The following GALNTL6 variants were observed in gnomAD, a reference collection of about 807,000 sequenced individuals.
GALNTL6 encodes polypeptide N-acetylgalactosaminyltransferase like 6, also known as polypeptide N-acetylgalactosaminyltransferase-like 6.
GALNTL6 carries 46 observed loss-of-function variants against 73.7 expected under a neutral mutation model. The observed-to-expected ratio is 0.62, with a 90% CI of 0.49 to 0.80. The LOEUF (loss-of-function observed/expected upper bound fraction) is 0.80. Among genes scored for constraint, GALNTL6 ranks in the 30% least tolerant of loss-of-function variants. The pLI is 0.00. For synonymous variants in GALNTL6, 259 were observed against 263.7 expected (o/e 0.98, Z 0.17); for missense variants, 604 against 755.0 (o/e 0.80, Z 2.34).
chr4:172,760,499 C>A (rs903778493), intron 5 of GALNTL6, among the ~76,000 whole-genome samples: 93 of 152,212 alleles, frequency 6.1e-4, no homozygotes, highest in Non-Finnish European at 3.2e-4. Context: ...TCCCACCTTA[C>A]CCTGAGATGC....
chr4:172,416,035 G>A (rs1730817415), intron 5 of GALNTL6, among the ~76,000 whole-genome samples: 1 of 152,100 alleles, frequency 6.6e-6, no homozygotes, highest in Admixed American at 6.6e-5. Flanking sequence ...GACAATATGA[G>A]GGGTGGTCTC....
At chr4:172,896,942 T>C (rs1482490964) in intron 8 of GALNTL6, among the ~76,000 whole-genome samples, 1 of 151,768 alleles carries the variant, frequency 6.6e-6, no homozygotes, top group Non-Finnish European at 1.5e-5. Flanking sequence ...GGCCCACCTC[T>C]CCCAGCAGGT....
chr4:172,242,129 T>C (rs1472415405), intron 3 of GALNTL6, among the ~76,000 whole-genome samples: 1 of 152,188 alleles, frequency 6.6e-6, no homozygotes, highest in African/African-American at 2.4e-5. Context: ...ATTTCTGAAA[T>C]AAAAGTAAAC....
chr4:171,983,501 T>C (rs1305760969), intron 2 of GALNTL6, among the ~76,000 whole-genome samples: 1 of 150,692 alleles, frequency 6.6e-6, no homozygotes, highest in Non-Finnish European at 1.5e-5. Flanking sequence ...TATTTATTTA[T>C]TTATTTGAGA....
At chr4:172,211,014 C>G (rs1736305806) in intron 2 of GALNTL6, among the ~76,000 whole-genome samples, 1 of 152,170 alleles carries the variant, frequency 6.6e-6, no homozygotes, top group African/African-American at 2.4e-5. Context: ...TTTGAAAGCT[C>G]TTTCAGTTGG....
intron 2 of GALNTL6, among the ~76,000 whole-genome samples, chr4:171,946,100 G>A (rs1202938141): frequency 6.6e-6 from 1 of 152,138 alleles, no homozygotes; most frequent in Non-Finnish European, 1.5e-5. Flanking sequence ...GAATTAGCAA[G>A]CTGGGTATTG....
intron 2 of GALNTL6, among the ~76,000 whole-genome samples, chr4:171,990,351 T>G (rs1740299043): frequency 6.6e-6 from 1 of 152,154 alleles, no homozygotes; most frequent in Non-Finnish European, 1.5e-5. Context: ...CATTTTACAG[T>G]TGAAGAAATT....
intron 5 of GALNTL6, among the ~76,000 whole-genome samples, chr4:172,772,254 A>G (rs7661180): frequency 0.48 from 72,564 of 151,626 alleles, 18,139 homozygotes; most frequent in African/African-American, 0.63. Context: ...AAACCATATC[A>G]CCATTTATGC....
intron 5 of GALNTL6, among the ~76,000 whole-genome samples, chr4:172,696,894 T>C (rs554628561): frequency 6.6e-6 from 1 of 152,372 alleles, no homozygotes; most frequent in South Asian, 2.1e-4. Flanking sequence ...TCAATAATTA[T>C]TCTCATAGTA....
At chr4:171,906,989 G>A (rs910492507) in intron 2 of GALNTL6, among the ~76,000 whole-genome samples, 4 of 151,970 alleles carry the variant, frequency 2.6e-5, no homozygotes, top group Non-Finnish European at 2.9e-5. Flanking sequence ...TTGATGGGAC[G>A]TATTTCAAAA....
chr4:172,611,018 G>T lies in GALNTL6; in HGVS notation c.554-198343G>T, dbSNP rs577805190. On this transcript the variant is annotated intron_variant, in intron 5 of 12. Coordinates refer to ENST00000506823, the MANE Select transcript of GALNTL6 (RefSeq NM_001034845.3). The stretch of plus-strand genomic sequence containing the variant: ...AGAATAGCAATCCCTGCTTCTTTCT[G>T]TTTTTCATTTGCTTGGTAGATTTTT... 9.2e-5 allele frequency among the ~76,000 whole-genome samples: 14 copies of T among 152,052 alleles called. No individual in the cohort carries two copies. The East Asian group carries it at 2.7e-3, about 29-fold the overall frequency.
intron 2 of GALNTL6, among the ~76,000 whole-genome samples, chr4:171,916,382 C>A (rs535553264): frequency 1.3e-5 from 2 of 152,166 alleles, no homozygotes; most frequent in East Asian, 3.9e-4. Context: ...GCTTTCACAG[C>A]TTCATGTTGG....
At chr4:172,055,103 G>A (rs867397111) in intron 2 of GALNTL6, among the ~76,000 whole-genome samples, 2 of 152,048 alleles carry the variant, frequency 1.3e-5, no homozygotes, top group South Asian at 2.1e-4. Flanking sequence ...TGCTGAATGA[G>A]GGGCTTATAA....
At chr4:171,914,567 G>A (rs10005453) in intron 2 of GALNTL6, among the ~76,000 whole-genome samples, 34,519 of 150,346 alleles carry the variant, frequency 0.23, 4,110 homozygotes, top group Middle Eastern at 0.29. Flanking sequence ...TTATAGACAC[G>A]GGCTACCATG....
intron 2 of GALNTL6, among the ~76,000 whole-genome samples, chr4:171,819,132 A>G (rs1451855090): frequency 6.6e-6 from 1 of 152,108 alleles, no homozygotes; most frequent in Non-Finnish European, 1.5e-5. Flanking sequence ...ATGGCACATT[A>G]TCAATACACT....
At chr4:172,079,050 G>A (rs7662946) in intron 2 of GALNTL6, among the ~76,000 whole-genome samples, 72,848 of 151,724 alleles carry the variant, frequency 0.48, 17,863 homozygotes, top group Admixed American at 0.51. Context: ...CAAATATATA[G>A]CCATACATAC....
At chr4:172,368,724 G>A (rs1313661410) in intron 5 of GALNTL6, among the ~76,000 whole-genome samples, 2 of 152,092 alleles carry the variant, frequency 1.3e-5, no homozygotes, top group Non-Finnish European at 2.9e-5. Context: ...GTTCAGATGT[G>A]TCTGGAGTTT....
chr4:172,184,820 C>A (rs1176934982), intron 2 of GALNTL6, among the ~76,000 whole-genome samples: 1 of 152,070 alleles, frequency 6.6e-6, no homozygotes, highest in East Asian at 1.9e-4. Flanking sequence ...GGTAGAAGGA[C>A]AAGGGGGCTG....
At chr4:172,760,948 T>C (rs533165600) in intron 5 of GALNTL6, among the ~76,000 whole-genome samples, 7 of 152,028 alleles carry the variant, frequency 4.6e-5, no homozygotes, top group Non-Finnish European at 7.4e-5. Context: ...ATTAAAAGGA[T>C]AGGAAAGATG....
Sources: allele counts gnomAD v4.1 joint callset (sites outside exome capture counted in the v4.1 genomes callset), GRCh38; gene constraint gnomAD v4.1.1; transcripts MANE v1.5; gene names NCBI Gene and HGNC (gene_info 2026-07-23, HGNC 2026-07-21).